The following ATG5 variants were observed in gnomAD, a reference collection of about 807,000 sequenced individuals.
The protein encoded by ATG5 is autophagy related 5, also known as autophagy protein 5.
ATG5 carries 14 observed loss-of-function variants against 36.5 expected under a neutral mutation model. That is an observed-to-expected ratio of 0.38 (90% confidence interval 0.25 to 0.60). The LOEUF is 0.60. Among genes scored for constraint, ATG5 ranks in the 20% least tolerant of loss-of-function variants. The probability of loss-of-function intolerance (pLI) is 0.60; values close to 1 mark genes in which losing one functional copy is unlikely to be tolerated. For synonymous variants in ATG5, 95 were observed against 101.5 expected (o/e 0.94, Z 0.38); for missense variants, 195 against 326.7 (o/e 0.60, Z 3.11).
At chr6:106,242,342 G>A (rs555315216) in intron 6 of ATG5, among the ~76,000 whole-genome samples, 10 of 152,208 alleles carry the variant, frequency 6.6e-5, no homozygotes, top group Non-Finnish European at 1.5e-4. Context: ...CATGATATGC[G>A]AAATAAGCCT....
chr6:106,261,447 C>G (rs1305630596), intron 5 of ATG5, among the ~76,000 whole-genome samples: 1 of 152,206 alleles, frequency 6.6e-6, no homozygotes, highest in Non-Finnish European at 1.5e-5. Flanking sequence ...ACAGGACATA[C>G]TAGTTCTCAA....
intron 6 of ATG5, among the ~76,000 whole-genome samples, chr6:106,218,601 C>T (rs969756144): frequency 6.6e-6 from 1 of 152,080 alleles, no homozygotes; most frequent in African/African-American, 2.4e-5. Flanking sequence ...TCAAGTTACA[C>T]TTTGATGTGT....
At chr6:106,290,779 T>C (rs1422366243) in intron 4 of ATG5, among the ~76,000 whole-genome samples, 4 of 152,232 alleles carry the variant, frequency 2.6e-5, no homozygotes, top group African/African-American at 9.6e-5. Flanking sequence ...TGTTCACTGA[T>C]TTACGCATTC....
intron 6 of ATG5, among the ~76,000 whole-genome samples, chr6:106,225,338 T>C (rs1441448810): frequency 6.6e-6 from 1 of 152,202 alleles, no homozygotes; most frequent in Non-Finnish European, 1.5e-5. Context: ...AAAACCTATG[T>C]AGATAAAAAT....
intron 3 of ATG5, among the ~76,000 whole-genome samples, chr6:106,294,877 GC>G (rs1163704382): frequency 2.8e-5 from 4 of 142,878 alleles, no homozygotes; most frequent in African/African-American, 1.1e-4. Context: ...TAGGATGAAC[GC>G]CCGGTCGGTA....
At chr6:106,324,658 T>G (rs1332952967) in intron 1 of ATG5, among the ~76,000 whole-genome samples, 3 of 152,196 alleles carry the variant, frequency 2.0e-5, no homozygotes, top group African/African-American at 7.2e-5. Flanking sequence ...AAAATCCATA[T>G]CCATACAGTT....
intron 6 of ATG5, among the ~76,000 whole-genome samples, chr6:106,223,497 C>A (rs1407171984): frequency 6.6e-6 from 1 of 152,172 alleles, no homozygotes; most frequent in Non-Finnish European, 1.5e-5. Context: ...GCAATCAAAA[C>A]TTGCTGTGTT....
At chr6:106,251,130 C>T (rs566053824) in intron 5 of ATG5, among the ~76,000 whole-genome samples, 50 of 152,354 alleles carry the variant, frequency 3.3e-4, no homozygotes, top group Non-Finnish European at 2.2e-4. Context: ...AATTTGCTTG[C>T]TCTGGAGGCC....
At chr6:106,222,609 AT>A (rs1451893594) in intron 6 of ATG5, among the ~76,000 whole-genome samples, 1 of 152,258 alleles carries the variant, frequency 6.6e-6, no homozygotes, top group African/African-American at 2.4e-5. Flanking sequence ...ACAGTCTCAA[AT>A]CATAAAAAGT....
chr6:106,319,741 G>GTAA lies in ATG5; in HGVS notation c.-58-3478_-58-3476dup, dbSNP rs1254806273. On this transcript the variant is annotated intron_variant, in intron 1 of 7. Coordinates refer to ENST00000369076, the MANE Select transcript of ATG5 (RefSeq NM_004849.4). ...ATTTGTACGTCTCCTCCAGCAGACT[G>GTAA]TAATAGATTCCGTTAGGGAGAAGGA... Among the ~76,000 whole-genome samples the GTAA allele has an allele frequency of 7.9e-5, 12 of 152,308 alleles. No individual in the cohort carries two copies. The East Asian group carries it at 2.3e-3, about 29-fold the overall frequency.
At chr6:106,246,704 CAA>C (rs1447391280) in intron 6 of ATG5, among the ~76,000 whole-genome samples, 1 of 152,154 alleles carries the variant, frequency 6.6e-6, no homozygotes, top group Non-Finnish European at 1.5e-5. Context: ...GTATAAATCT[CAA>C]AACAGTTTCC....
chr6:106,300,399 C>G (rs564001365), intron 3 of ATG5, among the ~76,000 whole-genome samples: 7 of 152,250 alleles, frequency 4.6e-5, no homozygotes, highest in Non-Finnish European at 1.0e-4. Flanking sequence ...CAGGTTTTCA[C>G]TAAAGCATTT....
intron 2 of ATG5, among the ~76,000 whole-genome samples, chr6:106,311,157 C>A (rs1261611754): frequency 1.3e-5 from 2 of 152,054 alleles, no homozygotes; most frequent in Admixed American, 1.3e-4. Flanking sequence ...GTAAAACATA[C>A]TAGAATTCTG....
At chr6:106,243,580 C>T (rs1011587332) in intron 6 of ATG5, among the ~76,000 whole-genome samples, 14 of 148,458 alleles carry the variant, frequency 9.4e-5, no homozygotes, top group Admixed American at 2.7e-4. Context: ...CTTGTAATTC[C>T]AGCACTTTGG....
chr6:106,322,863 T>G (rs1234887762), intron 1 of ATG5, among the ~76,000 whole-genome samples: 2 of 152,234 alleles, frequency 1.3e-5, no homozygotes, highest in African/African-American at 4.8e-5. Context: ...ATTTAGAAAT[T>G]TAACATATGC....
chr6:106,309,709 T>C (rs557897873), intron 2 of ATG5, among the ~76,000 whole-genome samples: 9 of 152,270 alleles, frequency 5.9e-5, no homozygotes, highest in African/African-American at 2.2e-4. Flanking sequence ...AGATTCAGTG[T>C]AGTCTTTCAG....
chr6:106,192,375 C>T (rs1331085130), intron 7 of ATG5, among the ~76,000 whole-genome samples: 2 of 152,058 alleles, frequency 1.3e-5, no homozygotes, highest in South Asian at 4.1e-4. Flanking sequence ...AATTACCTTT[C>T]TCATCCCAAT....
chr6:106,190,301 A>G (rs1775922941), intron 7 of ATG5, among the ~76,000 whole-genome samples: 1 of 152,138 alleles, frequency 6.6e-6, no homozygotes, highest in South Asian at 2.1e-4. Flanking sequence ...ATATGGAAGA[A>G]CGTGGAAGTG....
At chr6:106,231,442 G>A (rs1328745535) in intron 6 of ATG5, among the ~76,000 whole-genome samples, 3 of 152,174 alleles carry the variant, frequency 2.0e-5, no homozygotes, top group Admixed American at 6.5e-5. Flanking sequence ...AGTTCCCAGT[G>A]TAGACCCTCA....
Sources: allele counts gnomAD v4.1 joint callset (sites outside exome capture counted in the v4.1 genomes callset), GRCh38; gene constraint gnomAD v4.1.1; transcripts MANE v1.5; gene names NCBI Gene and HGNC (gene_info 2026-07-23, HGNC 2026-07-21).